TOP2B: variants seen among roughly 807,000 people sequenced by gnomAD.
TOP2B encodes DNA topoisomerase 2-beta.
A neutral mutation model predicts 193.5 loss-of-function variants in TOP2B; 51 were observed. The observed-to-expected ratio is 0.26, with a 90% CI of 0.21 to 0.33. The LOEUF (loss-of-function observed/expected upper bound fraction) is 0.33. TOP2B is among the 10% of genes least tolerant of loss of function. The pLI is 1.00. For missense variants in TOP2B, 1,378 were observed against 1,909.3 expected (o/e 0.72, Z 5.19); for synonymous variants, 634 against 635.7 (o/e 1.00, Z 0.04).
intron 6 of TOP2B, among the ~76,000 whole-genome samples, chr3:25,636,516 A>ACCC (rs1375940748): frequency 1.3e-5 from 2 of 152,078 alleles, no homozygotes; most frequent in African/African-American, 4.8e-5. Flanking sequence ...TGCAAATACT[A>ACCC]CCCCATTTTA....
intron 7 of TOP2B, 23 bp from the exon 8 acceptor site, chr3:25,634,037 CA>C (rs757142409): frequency 2.3e-5 from 36 of 1,573,070 alleles, no homozygotes; most frequent in Non-Finnish European, 2.8e-5. Flanking sequence ...AAAACAAAAA[CA>C]ATTAAAAATC....
At position 25,632,809 on chromosome 3, in the gene TOP2B, AT is replaced by A. The variant is rs753808745; in HGVS notation, c.1027-16del. 50 of 1,596,852 alleles carry A rather than the reference AT, an allele frequency of 3.1e-5. No individual in the cohort carries two copies. The highest frequency in any genetic ancestry group is 3.3e-5 in the South Asian group (3 of 89,942). On this transcript the variant is annotated splice_polypyrimidine_tract_variant and intron_variant, in intron 8 of 35. Transcript: ENST00000264331. ...TGCCGTCCACCCTAAAGAAAAAAAA[AT>A]ATATGAAATCTGAAATCCTGTATTG...
At chr3:25,619,762 T>G in intron 23 of TOP2B, 100 bp downstream of exon 23, 2 of 734,716 alleles carry the variant, frequency 2.7e-6, no homozygotes, top group Non-Finnish European at 4.3e-6. Context: ...AAAAAATGCC[T>G]TCAGGCTTAC....
At chr3:25,609,739 A>T in intron 28 of TOP2B, 27 bp from the exon 29 acceptor site, 1 of 1,421,996 alleles carries the variant, frequency 7.0e-7, no homozygotes, top group Non-Finnish European at 9.2e-7. Flanking sequence ...AAATCAAGCC[A>T]CGAGTAAAAA....
Position 25,615,451 on chromosome 3 carries a change from T to C in TOP2B, c.3487A>G (p.Ile1163Val). ...SLTKEKVEEL[I>V]KQRDAKGREV... is the part of the protein sequence containing the mutation. ...CATACTTTTGCATCTCTCTGTTTAA[T>C]CAGTTCTTCAACTTTTTCTTTAGTA... is the stretch of plus-strand genomic sequence containing the variant. The change falls in exon 26 of 36, where the codon ATT (isoleucine) becomes GTT (valine). Residue 1163 changes from isoleucine (I) to valine (V), a missense_variant. Ile to Val is a conservative substitution (Grantham distance 29). Transcript: ENST00000264331. The C allele has an allele frequency of 6.4e-7, 1 of 1,562,106 alleles. No individual in the cohort carries two copies. Among genetic ancestry groups the C allele is most frequent in the Non-Finnish European group, 8.6e-7 (1 of 1,156,842 alleles).
intron 33 of TOP2B, 132 bp from the exon 34 acceptor site, chr3:25,601,357 C>T (rs1200329713): frequency 3.6e-6 from 4 of 1,110,486 alleles, no homozygotes; most frequent in African/African-American, 1.6e-5. Context: ...GTGGCTCACA[C>T]CTGTAATGCC....
In TOP2B at chr3:25,635,968, C is replaced by T. The variant is rs1483196850; in HGVS notation, c.820G>A (p.Val274Ile). The change falls in exon 7 of 36, where the codon GTC (valine) becomes ATC (isoleucine). Residue 274 changes from valine (V) to isoleucine (I), a missense_variant. Transcript: ENST00000264331. ...AYDLAGSCRG[V>I]KVMFNGKKLP... ...TTCTTTCCATTAAACATGACCTTGACCCCTCTACACGAACCAGCCAAATCA... is the reference window on the plus strand; with the variant it reads ...TTCTTTCCATTAAACATGACCTTGATCCCTCTACACGAACCAGCCAAATCA... 1.9e-6 allele frequency: 3 copies of T among 1,613,248 alleles called. No individual in the cohort carries two copies. In the South Asian group the frequency reaches 3.3e-5, roughly 18 times the overall value.
At chr3:25,647,538 T>C (rs999085840) in intron 1 of TOP2B, among the ~76,000 whole-genome samples, 3 of 152,002 alleles carry the variant, frequency 2.0e-5, no homozygotes, top group African/African-American at 7.3e-5. Context: ...GAAAATATTT[T>C]CAAGATTAGA....
At chr3:25,640,932 G>T (rs1352106891) in intron 4 of TOP2B, among the ~76,000 whole-genome samples, 5 of 151,510 alleles carry the variant, frequency 3.3e-5, no homozygotes, top group Non-Finnish European at 7.4e-5. Flanking sequence ...GATAATTTTG[G>T]TGTTTTTGTT....
intron 25 of TOP2B, 33 bp downstream of exon 25, chr3:25,618,385 C>T: frequency 6.5e-7 from 1 of 1,534,536 alleles, no homozygotes; most frequent in African/African-American, 1.4e-5. Context: ...CTTTTAAAAG[C>T]TTCTCTGAAT....
chr3:25,634,451 C>A (rs1215847528), intron 7 of TOP2B, among the ~76,000 whole-genome samples: 1 of 151,958 alleles, frequency 6.6e-6, no homozygotes, highest in Non-Finnish European at 1.5e-5. Flanking sequence ...TCTGGAGAGA[C>A]ATAAGTGTCT....
chr3:25,627,618 A>T (rs181109180), intron 15 of TOP2B, among the ~76,000 whole-genome samples: 40 of 152,360 alleles, frequency 2.6e-4, no homozygotes, highest in African/African-American at 9.4e-4. Context: ...TATAATTAAC[A>T]AAATCCAGAA....
Position 25,598,269 on chromosome 3 carries a change from A to AAGAT in TOP2B, c.*34_*37dup, listed in dbSNP as rs748768750. 68 of 1,569,650 alleles carry AAGAT rather than the reference A, an allele frequency of 4.3e-5. No homozygotes were observed. The highest frequency in any genetic ancestry group is 9.1e-5 in the East Asian group (4 of 44,014). On this transcript the variant is annotated 3_prime_UTR_variant, in exon 36 of 36. Coordinates refer to ENST00000264331, the MANE Select transcript of TOP2B (RefSeq NM_001330700.2). Reference sequence around the variant, plus strand: ...GACAGAGAAGACAAAAGGACAACACAAGATATTTGTTGAAAAATGTTTGTG... The same window carrying AAGAT: ...GACAGAGAAGACAAAAGGACAACACAAGATAGATATTTGTTGAAAAATGTTTGTG...
intron 1 of TOP2B, among the ~76,000 whole-genome samples, chr3:25,648,592 C>G (rs942285763): frequency 6.6e-6 from 1 of 152,218 alleles, no homozygotes; most frequent in African/African-American, 2.4e-5. Flanking sequence ...CGCAGTGGCT[C>G]ACACCTGTAA....
intron 20 of TOP2B, 129 bp from the exon 21 acceptor site, chr3:25,623,875 T>C: frequency 3.1e-6 from 2 of 651,564 alleles, no homozygotes; most frequent in South Asian, 2.1e-5. Context: ...ATAATTTTGA[T>C]TACATCCGCT....
intron 28 of TOP2B, among the ~76,000 whole-genome samples, chr3:25,610,090 A>G (rs182307743): frequency 2.6e-5 from 4 of 152,038 alleles, no homozygotes; most frequent in African/African-American, 9.6e-5. Context: ...AACCCCAGCT[A>G]CTCAGGAGGC....
intron 2 of TOP2B, among the ~76,000 whole-genome samples, chr3:25,645,080 G>C (rs571275935): frequency 1.8e-4 from 27 of 152,054 alleles, no homozygotes; most frequent in Middle Eastern, 6.8e-3. Flanking sequence ...AAAGTGCTGG[G>C]ATTACAGGTG....
At chr3:25,605,974 A>T (rs548066122) in intron 32 of TOP2B, 69 bp downstream of exon 32, 15 of 876,748 alleles carry the variant, frequency 1.7e-5, no homozygotes, top group Admixed American at 7.6e-5. Context: ...CTAACGATTT[A>T]TTTACTGTTT....
intron 25 of TOP2B, among the ~76,000 whole-genome samples, chr3:25,617,433 T>G (rs960179139): frequency 6.6e-6 from 1 of 152,196 alleles, no homozygotes; most frequent in Non-Finnish European, 1.5e-5. Context: ...TGCTATTCTA[T>G]ATAACTTAGT....
Sources: allele counts gnomAD v4.1 joint callset (sites outside exome capture counted in the v4.1 genomes callset), GRCh38; gene constraint gnomAD v4.1.1; transcripts MANE v1.5; gene names NCBI Gene and HGNC (gene_info 2026-07-23, HGNC 2026-07-21).